Variants in HCN4 observed in about 807,000 individuals in gnomAD.
HCN4 encodes hyperpolarization activated cyclic nucleotide gated potassium channel 4, also known as potassium/sodium hyperpolarization-activated cyclic nucleotide-gated channel 4.
A neutral mutation model predicts 76.9 loss-of-function variants in HCN4; 29 were observed. The observed-to-expected ratio is 0.38, with a 90% CI of 0.28 to 0.51. HCN4 has a LOEUF of 0.51. Among genes scored for constraint, HCN4 ranks in the 20% least tolerant of loss-of-function variants. HCN4 has a pLI of 0.90. For missense variants in HCN4, 1,416 were observed against 1,715.2 expected, an observed-to-expected ratio of 0.83 and a Z score of 3.08; for synonymous variants, 772 against 762.5, an observed-to-expected ratio of 1.01 and a Z score of -0.21.
At chr15:73,340,969 T>C (rs2042997896) in intron 2 of HCN4, 1 of 152,166 alleles carries the variant, frequency 6.6e-6, no homozygotes, top group African/African-American at 2.4e-5. Flanking sequence ...GTTTCCTCAC[T>C]TGACACATGA....
At chr15:73,366,386 A>T (rs1424953629) in intron 1 of HCN4, among the ~76,000 whole-genome samples, 3 of 152,124 alleles carry the variant, frequency 2.0e-5, no homozygotes, top group East Asian at 3.9e-4. Context: ...GTAGGCAAGG[A>T]AGGGAGATAA....
chr15:73,360,249 A>G (rs2043098972), intron 1 of HCN4, among the ~76,000 whole-genome samples: 1 of 152,236 alleles, frequency 6.6e-6, no homozygotes, highest in Admixed American at 6.5e-5. Flanking sequence ...CTGGCTGGGA[A>G]GCTGGGGGTG....
chr15:73,368,570 C>T lies in HCN4; in HGVS notation c.-300G>A. The T allele has an allele frequency of 9.2e-6, 2 of 218,468 alleles. No individual in the cohort carries two copies. The highest frequency in any genetic ancestry group is 1.8e-5 in the Non-Finnish European group (2 of 111,034). 13.5% of individuals were successfully genotyped at this position (218,468 alleles called of 1,614,324 possible). On this transcript the variant is annotated 5_prime_UTR_variant, in exon 1 of 8. Coordinates refer to ENST00000261917, the MANE Select transcript of HCN4 (RefSeq NM_005477.3). The surrounding 1 kb of genome is among the most constrained non-coding windows in gnomAD (Gnocchi z 6.9). ...GCGTTCAGGGGCGCGGCGCGCCGCC[C>T]GGCTCCAGGCGCCCCGCCCCCGCGG...
intron 2 of HCN4, among the ~76,000 whole-genome samples, chr15:73,337,901 C>A (rs1258530308): frequency 6.6e-6 from 1 of 152,120 alleles, no homozygotes; most frequent in Non-Finnish European, 1.5e-5. Context: ...GGTGGTGAAG[C>A]CTGGAACTGC....
intron 3 of HCN4, among the ~76,000 whole-genome samples, chr15:73,331,091 T>TG (rs1318619899): frequency 6.6e-6 from 1 of 152,120 alleles, no homozygotes; most frequent in African/African-American, 2.4e-5. Context: ...CCAAACTGAC[T>TG]GGGAGGAAGC....
intron 2 of HCN4, among the ~76,000 whole-genome samples, chr15:73,341,745 T>C (rs920965258): frequency 6.6e-6 from 1 of 152,152 alleles, no homozygotes; most frequent in Non-Finnish European, 1.5e-5. Context: ...TCACGGCCCC[T>C]CTCTGTCAGC....
At position 73,321,835 on chromosome 15, in the gene HCN4, T is replaced by A. The variant is rs778354015; in HGVS notation, c.*646A>T. The A allele has an allele frequency of 6.4e-6, 1 of 155,416 alleles. No homozygotes were observed. The highest frequency in any genetic ancestry group is 1.4e-5 in the Non-Finnish European group (1 of 70,090). The allele number at this position is 155,416 out of a possible 1,614,324, so 9.6% of individuals were successfully genotyped here. On this transcript the variant is annotated 3_prime_UTR_variant, in exon 8 of 8. Transcript: ENST00000261917. ...GCATCCTGTCAACATGGGATTAAAC[T>A]AGACCGCACACGTGTGCGCACATGT...
chr15:73,349,540 C>A (rs1178897983), intron 1 of HCN4, among the ~76,000 whole-genome samples: 1 of 152,074 alleles, frequency 6.6e-6, no homozygotes, highest in Admixed American at 6.5e-5. Context: ...TATTTTATTA[C>A]TCCCAAACTC....
At position 73,322,276 on chromosome 15, in the gene HCN4, T is replaced by A. The variant is rs948725682; in HGVS notation, c.*205A>T. The A allele has an allele frequency of 2.2e-6, 1 of 455,622 alleles. No homozygotes were observed. Among genetic ancestry groups the A allele is most frequent in the Non-Finnish European group, 4.1e-6 (1 of 243,896 alleles). The allele number at this position is 455,622 out of a possible 1,614,324, so 28.2% of individuals were successfully genotyped here. A position where few individuals can be genotyped will look rare whatever the true frequency, so the allele number is the denominator to read the frequency against. Reference sequence around the variant, plus strand: ...CCCCCTCCCTCCCTCTAGTGCTGAGTATTAAAATAGTCTATAAAAGCAAGT... The same window carrying A: ...CCCCCTCCCTCCCTCTAGTGCTGAGAATTAAAATAGTCTATAAAAGCAAGT... On this transcript the variant is annotated 3_prime_UTR_variant, in exon 8 of 8. Transcript: ENST00000261917.
Position 73,322,503 on chromosome 15 carries a change from G to C in HCN4, c.3590C>G (p.Ser1197Cys), listed in dbSNP as rs777242276. 1.0e-5 allele frequency: 16 copies of C among 1,598,586 alleles called. No individual in the cohort carries two copies. The highest frequency in any genetic ancestry group is 6.0e-6 in the Non-Finnish European group (7 of 1,172,680). The change falls in exon 8 of 8, where the codon TCC becomes TGC. Residue 1197 changes from serine to cysteine, a missense_variant. Ser to Cys is a moderately radical substitution (Grantham distance 112). Coordinates refer to ENST00000261917, the MANE Select transcript of HCN4 (RefSeq NM_005477.3). ...AGCTCATAGATTGGATGGCAGTTTGGAGCGCACTGGCTCAGGCCTGGCCCC... is the reference window on the plus strand; with the variant it reads ...AGCTCATAGATTGGATGGCAGTTTGCAGCGCACTGGCTCAGGCCTGGCCCC... Reference protein sequence around the residue: ...EPGARPEPVRSKLPSNL With the variant: ...EPGARPEPVRCKLPSNL
chr15:73,367,050 C>A lies in HCN4; in HGVS notation c.785+436G>T, dbSNP rs182680644. Reference sequence around the variant, plus strand: ...AGCAGACATAAATGCCTGCTGTCAGCACCCAAGGAGCTGGCCCGTTGCTAA... The same window carrying A: ...AGCAGACATAAATGCCTGCTGTCAGAACCCAAGGAGCTGGCCCGTTGCTAA... On this transcript the variant is annotated intron_variant, in intron 1 of 7. Coordinates refer to ENST00000261917, the MANE Select transcript of HCN4 (RefSeq NM_005477.3). This position sits in a 1 kb window ranked among gnomAD's most constrained non-coding sequence, Gnocchi z 7.5. Among the ~76,000 whole-genome samples the A allele has an allele frequency of 2.1e-3, 316 of 152,340 alleles. 6 individuals carry two copies. The highest frequency in any genetic ancestry group is 1.1e-3 in the Non-Finnish European group (72 of 68,034).
In HCN4 at chr15:73,329,753, G is replaced by A; in HGVS notation, c.1410C>T (p.Phe470=). ...TGCACAGCATGTGGCTCATGGCCTT[G>A]AAGAGCGCGTAGGAGTACTGCTTCC... is the stretch of plus-strand genomic sequence containing the variant. ...SWGKQYSYAL[F]KAMSHMLCIG... The change falls in exon 4 of 8, where the codon TTC becomes TTT. Residue 470 remains phenylalanine, a synonymous_variant. Transcript: ENST00000261917. 6.2e-7 allele frequency: 1 copy of A among 1,614,110 alleles called. No homozygotes were observed. Among genetic ancestry groups the A allele is most frequent in the Admixed American group, 1.7e-5 (1 of 60,028 alleles).
chr15:73,340,495 G>A (rs1184050857), intron 2 of HCN4, among the ~76,000 whole-genome samples: 1 of 152,192 alleles, frequency 6.6e-6, no homozygotes, highest in Non-Finnish European at 1.5e-5. Context: ...ACGGAAACCA[G>A]GAGACAAGTG....
chr15:73,355,780 C>CA (rs2043076093), intron 1 of HCN4, among the ~76,000 whole-genome samples: 2 of 151,868 alleles, frequency 1.3e-5, no homozygotes, highest in Non-Finnish European at 2.9e-5. Context: ...CACACACACA[C>CA]CGCCAAACTG....
chr15:73,328,537 G>A lies in HCN4; in HGVS notation c.1590+1036C>T, dbSNP rs1289670535. On this transcript the variant is annotated intron_variant, in intron 4 of 7. Transcript: ENST00000261917. The surrounding 1 kb of genome is among the most constrained non-coding windows in gnomAD (Gnocchi z 4.0). ...GAGGTGTGCAGTGGAAGGTGCCAGG[G>A]CAGAACCTGCTTAGCTGATAAACAC... is the stretch of plus-strand genomic sequence containing the variant. Among the ~76,000 whole-genome samples the A allele has an allele frequency of 2.0e-5, 3 of 152,036 alleles. No individual in the cohort carries two copies. The highest frequency in any genetic ancestry group is 2.9e-5 in the Non-Finnish European group (2 of 68,020).
chr15:73,367,896 G>A lies in HCN4; in HGVS notation c.375C>T (p.Ser125=), dbSNP rs1310424203. 9 of 1,380,614 alleles carry A rather than the reference G, an allele frequency of 6.5e-6. No individual in the cohort carries two copies. Among genetic ancestry groups the A allele is most frequent in the Non-Finnish European group, 7.5e-6 (8 of 1,065,698 alleles). The allele number at this position is 1,380,614 out of a possible 1,614,324, so 85.5% of individuals were successfully genotyped here. The change falls in exon 1 of 8, where the codon TCC becomes TCT. Residue 125 remains serine, a synonymous_variant. Coordinates refer to ENST00000261917, the MANE Select transcript of HCN4 (RefSeq NM_005477.3). The surrounding 1 kb of genome is among the most constrained non-coding windows in gnomAD (Gnocchi z 7.5). ...SGSSHGHLHD[S]AEERRLIAEG... is the part of the protein sequence containing the mutation. ...CGGCGATGAGCCGCCGCTCCTCCGC[G>A]GAGTCATGCAGGTGTCCGTGACTGC... is the stretch of plus-strand genomic sequence containing the variant.
In HCN4 at chr15:73,356,117, G is replaced by T. The variant is rs374225291; in HGVS notation, c.785+11369C>A. ...CACACAGGAAGGCACTGCCAGCAGC[G>T]GGAGGAAACAGGCTTGAGGGGCAAC... On this transcript the variant is annotated intron_variant, in intron 1 of 7. Transcript: ENST00000261917. Among the ~76,000 whole-genome samples the T allele has an allele frequency of 2.6e-5, 4 of 152,156 alleles. No individual in the cohort carries two copies. The East Asian group carries it at 7.7e-4, about 29-fold the overall frequency.
rs913979042 is a variant in HCN4 at position 73,328,677 on chromosome 15, G to T, written c.1590+896C>A. Reference sequence around the variant, plus strand: ...ACAGGCCCACGCTCAAACAGAGCTCGGCAGCAGAGAAGCTGGGGTAGGGCC... The same window carrying T: ...ACAGGCCCACGCTCAAACAGAGCTCTGCAGCAGAGAAGCTGGGGTAGGGCC... On this transcript the variant is annotated intron_variant, in intron 4 of 7. Transcript: ENST00000261917. The surrounding 1 kb of genome is among the most constrained non-coding windows in gnomAD (Gnocchi z 4.0). Among the ~76,000 whole-genome samples the T allele has an allele frequency of 1.3e-5, 2 of 152,074 alleles. No homozygotes were observed. Among genetic ancestry groups the T allele is most frequent in the Admixed American group, 6.5e-5 (1 of 15,286 alleles).
chr15:73,325,262 T>G lies in HCN4; in HGVS notation c.1737+36A>C. The G allele has an allele frequency of 6.2e-7, 1 of 1,614,012 alleles. No homozygotes were observed. Among genetic ancestry groups the G allele is most frequent in the Admixed American group, 1.7e-5 (1 of 60,008 alleles). On this transcript the variant is annotated intron_variant, in intron 5 of 7. Transcript: ENST00000261917. This position sits in a 1 kb window ranked among gnomAD's most constrained non-coding sequence, Gnocchi z 7.4. ...AGGGGAGCTGGCTGCCAGGAAGGCC[T>G]GGCTCCCCTCCACGCCGGGCCGCCA...
Sources: allele counts gnomAD v4.1 joint callset (sites outside exome capture counted in the v4.1 genomes callset), GRCh38; gene constraint gnomAD v4.1.1; non-coding constraint Gnocchi (gnomAD v3.1); transcripts MANE v1.5; gene names NCBI Gene and HGNC (gene_info 2026-07-23, HGNC 2026-07-21).